Variants in STX1A observed in about 807,000 individuals in gnomAD.
STX1A encodes syntaxin-1A.
Under a neutral mutation model 37.8 loss-of-function variants are expected in STX1A, and 4 were observed. The ratio of observed to expected loss-of-function variants is 0.11; its 90% CI spans 0.05 to 0.24. The LOEUF is 0.24. Among genes scored for constraint, STX1A ranks in the 10% least tolerant of loss-of-function variants. The pLI is 1.00. For synonymous variants in STX1A, 135 were observed against 147.4 expected, an observed-to-expected ratio of 0.92 and a Z score of 0.61; for missense variants, 251 against 399.9, an observed-to-expected ratio of 0.63 and a Z score of 3.18.
At chr7:73,710,569 G>A (rs1799064026) in intron 1 of STX1A, among the ~76,000 whole-genome samples, 1 of 152,254 alleles carries the variant, frequency 6.6e-6, no homozygotes, top group African/African-American at 2.4e-5. Context: ...GGGATTACAG[G>A]TGCATGCCAC....
chr7:73,719,006 C>T (rs1799396717), intron 1 of STX1A, among the ~76,000 whole-genome samples: 1 of 151,802 alleles, frequency 6.6e-6, no homozygotes, highest in African/African-American at 2.4e-5. Flanking sequence ...CCTACTGCGA[C>T]CAAGCAGAGG....
chr7:73,703,003 C>T (rs1554616157), intron 7 of STX1A, 21 bp from the exon 8 acceptor site: 1 of 1,356,806 alleles, frequency 7.4e-7, no homozygotes, highest in Non-Finnish European at 9.7e-7. Context: ...GAGCAGGGGG[C>T]TGGGACCCAG....
chr7:73,703,053 G>C, intron 7 of STX1A, 71 bp from the exon 8 acceptor site: 1 of 1,206,770 alleles, frequency 8.3e-7, no homozygotes, highest in Non-Finnish European at 1.1e-6. Flanking sequence ...GAGGGGGAGG[G>C]CGTTTGGGGT....
intron 1 of STX1A, 75 bp downstream of exon 1, chr7:73,719,527 A>G: frequency 1.7e-6 from 2 of 1,175,194 alleles, no homozygotes; most frequent in Non-Finnish European, 2.1e-6. Flanking sequence ...TGGCCGCGGG[A>G]GCCGGGCGGG....
intron 2 of STX1A, 57 bp downstream of exon 2, chr7:73,708,988 G>C: frequency 1.3e-6 from 2 of 1,590,002 alleles, no homozygotes; most frequent in South Asian, 1.1e-5. Flanking sequence ...TCAGAGGCGA[G>C]AGTGGCCCCC....
chr7:73,710,439 A>C (rs1447146757), intron 1 of STX1A, among the ~76,000 whole-genome samples: 1 of 151,714 alleles, frequency 6.6e-6, no homozygotes, highest in African/African-American at 2.4e-5. Flanking sequence ...TTATTTTTTT[A>C]TTTTTTGAGA....
chr7:73,707,454 G>A (rs1456325551), intron 3 of STX1A, among the ~76,000 whole-genome samples: 2 of 152,168 alleles, frequency 1.3e-5, no homozygotes, highest in Non-Finnish European at 2.9e-5. Context: ...CTCCCACAGC[G>A]CTGACGACTT....
intron 1 of STX1A, among the ~76,000 whole-genome samples, chr7:73,714,811 C>T (rs1216956751): frequency 6.6e-6 from 1 of 151,490 alleles, no homozygotes; most frequent in Non-Finnish European, 1.5e-5. Flanking sequence ...CAGGGATCCA[C>T]CCCAAAGAGA....
chr7:73,703,693 G>A (rs1798752227), intron 7 of STX1A, 62 bp downstream of exon 7: 11 of 1,565,290 alleles, frequency 7.0e-6, no homozygotes, highest in Middle Eastern at 3.4e-4. Context: ...CAGCACTAGG[G>A]GTCATGGACG....
Position 73,709,104 on chromosome 7 carries a change from C to G in STX1A, c.49G>C (p.Asp17His), listed in dbSNP as rs1289948694. The change falls in exon 2 of 10, where the codon GAT (aspartate) becomes CAT (histidine). Residue 17 changes from aspartate (D) to histidine (H), a missense_variant. Asp to His is a moderately conservative substitution (Grantham distance 81, BLOSUM62 -1). Coordinates refer to ENST00000222812, the MANE Select transcript of STX1A (RefSeq NM_004603.4). The surrounding 1 kb of genome is among the most constrained non-coding windows in gnomAD (Gnocchi z 4.2). ...TCCACGGTGACAGCGACATCATCAT[C>G]ATCATCGCTGTCCTTGGCCTGTGCG... Reference protein sequence around the residue: ...ELRTAKDSDDDDDVAVTVDRD... With the variant: ...ELRTAKDSDDHDDVAVTVDRD... The G allele has an allele frequency of 6.2e-7, 1 of 1,613,684 alleles. No homozygotes were observed. Among genetic ancestry groups the G allele is most frequent in the Non-Finnish European group, 8.5e-7 (1 of 1,180,016 alleles).
At chr7:73,703,051 G>T in intron 7 of STX1A, 69 bp from the exon 8 acceptor site, 2 of 1,214,360 alleles carry the variant, frequency 1.6e-6, no homozygotes, top group Non-Finnish European at 1.1e-6. Flanking sequence ...CCGAGGGGGA[G>T]GGCGTTTGGG....
intron 6 of STX1A, 95 bp downstream of exon 6, chr7:73,704,049 CCTAA>C (rs1471686643): frequency 8.7e-6 from 12 of 1,372,122 alleles, no homozygotes; most frequent in Non-Finnish European, 1.2e-5. Context: ...GCCTCGGGCC[CCTAA>C]CTAAGCAGCA....
Position 73,700,538 on chromosome 7 carries a change from T to C in STX1A, c.790-54A>G. The C allele has an allele frequency of 6.3e-7, 1 of 1,591,196 alleles. No homozygotes were observed. Among genetic ancestry groups the C allele is most frequent in the African/African-American group, 1.4e-5 (1 of 72,180 alleles). ...CAGACAGTGTTGGCGGCAGGTGGGG[T>C]GGGACTATGGCAAAGGCTGAGGACT... On this transcript the variant is annotated intron_variant, in intron 9 of 9. Transcript: ENST00000222812. This position sits in a 1 kb window ranked among gnomAD's most constrained non-coding sequence, Gnocchi z 4.4.
At chr7:73,715,679 C>T (rs1466082492) in intron 1 of STX1A, among the ~76,000 whole-genome samples, 4 of 152,224 alleles carry the variant, frequency 2.6e-5, no homozygotes, top group Non-Finnish European at 5.9e-5. Context: ...GCCAGGCAGC[C>T]TCCAGGCGTG....
At position 73,705,212 on chromosome 7, in the gene STX1A, T is replaced by C; in HGVS notation, c.221A>G (p.Glu74Gly). 6.2e-7 allele frequency: 1 copy of C among 1,613,890 alleles called. No individual in the cohort carries two copies. The highest frequency in any genetic ancestry group is 1.1e-5 in the South Asian group (1 of 91,078). The part of the protein sequence containing the change: ...SPNPDEKTKE[E>G]LEELMSDIKK... ...TATGTCGGACATGAGTTCTTCCAGCTCCTCCTTCGTCTCTGGGGAGGTAGA... is the reference window on the plus strand; with the variant it reads ...TATGTCGGACATGAGTTCTTCCAGCCCCTCCTTCGTCTCTGGGGAGGTAGA... The change falls in exon 4 of 10, where the codon GAG becomes GGG. Residue 74 changes from glutamate to glycine, a missense_variant. By Grantham distance (98) the Glu-to-Gly change is moderately conservative. Around this residue, in one of 2 missense-constraint regions of STX1A, gnomAD observed 214 missense variants for 367.6 expected, o/e 0.58. Transcript: ENST00000222812. This position sits in a 1 kb window ranked among gnomAD's most constrained non-coding sequence, Gnocchi z 5.2.
intron 3 of STX1A, 63 bp downstream of exon 3, chr7:73,708,526 T>C (rs1372337019): frequency 1.3e-6 from 2 of 1,518,726 alleles, no homozygotes; most frequent in East Asian, 2.4e-5. Context: ...GAGGCCTCCC[T>C]GGCAGCAGCC....
chr7:73,704,506 T>G, intron 4 of STX1A, 83 bp from the exon 5 acceptor site: 1 of 1,544,100 alleles, frequency 6.5e-7, no homozygotes, highest in Non-Finnish European at 8.9e-7. Flanking sequence ...CTATCCACCT[T>G]CCCACATCCC....
intron 1 of STX1A, among the ~76,000 whole-genome samples, chr7:73,715,933 C>T (rs1457404110): frequency 1.3e-5 from 2 of 152,240 alleles, no homozygotes; most frequent in Non-Finnish European, 2.9e-5. Context: ...GCTGTGTGTA[C>T]ACCAGGTCCC....
Position 73,702,665 on chromosome 7 carries a change from A to G in STX1A, c.678+180T>C. On this transcript the variant is annotated intron_variant, in intron 8 of 9. Transcript: ENST00000222812. This position sits in a 1 kb window ranked among gnomAD's most constrained non-coding sequence, Gnocchi z 4.7. ...CCTTGAAGCTCAAGCAGAGCCATGCAGAGGACAGGGACCTTCGGGTCGGCA... is the reference window on the plus strand; with the variant it reads ...CCTTGAAGCTCAAGCAGAGCCATGCGGAGGACAGGGACCTTCGGGTCGGCA... 1 of 1,466,002 alleles carries G rather than the reference A, an allele frequency of 6.8e-7. No homozygotes were observed. The highest frequency in any genetic ancestry group is 9.0e-7 in the Non-Finnish European group (1 of 1,105,522). 90.8% of individuals were successfully genotyped at this position (1,466,002 alleles called of 1,614,324 possible).
Sources: allele counts gnomAD v4.1 joint callset (sites outside exome capture counted in the v4.1 genomes callset), GRCh38; gene constraint gnomAD v4.1.1; regional missense constraint gnomAD v4.1.1; non-coding constraint Gnocchi (gnomAD v3.1); transcripts MANE v1.5; gene names NCBI Gene and HGNC (gene_info 2026-07-23, HGNC 2026-07-21).